Variants in FARP1 observed in about 807,000 individuals in gnomAD.
FARP1 encodes the protein FERM, ARHGEF and pleckstrin domain-containing protein 1.
A neutral mutation model predicts 128.8 loss-of-function variants in FARP1; 52 were observed. The observed-to-expected ratio is 0.40, with a 90% CI of 0.32 to 0.51. FARP1 has a LOEUF of 0.51. FARP1 is among the 20% of genes least tolerant of loss of function. The pLI, the probability that FARP1 is intolerant of heterozygous loss-of-function variation, is 0.45. For missense variants in FARP1, 1,333 were observed against 1,367.9 expected (o/e 0.97, Z 0.40); for synonymous variants, 580 against 551.8 (o/e 1.05, Z -0.72).
rs547828166 is a variant in FARP1 at position 98,420,321 on chromosome 13, A to G, written c.1827-4251A>G. Among the ~76,000 whole-genome samples the G allele has an allele frequency of 1.7e-3, 262 of 152,100 alleles. 1 individual carries two copies. Among genetic ancestry groups the G allele is most frequent in the African/African-American group, 6.1e-3 (253 of 41,498 alleles). ...ACAGGCTGTCCTTCTGCCTCCTCTT[A>G]GGGGGGTGATGGGCAGAATACTCAC... On this transcript the variant is annotated intron_variant, in intron 16 of 26. Transcript: ENST00000319562.
Position 98,431,266 on chromosome 13 carries a change from T to C in FARP1, c.2129T>C (p.Phe710Ser), listed in dbSNP as rs1195882627. ...CACCACCCGCCGAGCCACGCCGACT[T>C]CAGGGACTGCCGAGGTGAGTGCTGG... ...CKHHPPSHAD[F>S]RDCRAALAEI... Residue 710 changes from phenylalanine (F) to serine (S), a missense_variant, in exon 18 of 27, where the codon TTC (phenylalanine) becomes TCC (serine). Transcript: ENST00000319562. 6.3e-7 allele frequency: 1 copy of C among 1,589,542 alleles called. No individual in the cohort carries two copies. Among genetic ancestry groups the C allele is most frequent in the Non-Finnish European group, 8.6e-7 (1 of 1,168,832 alleles).
intron 1 of FARP1, among the ~76,000 whole-genome samples, chr13:98,168,433 C>A (rs900709252): frequency 2.0e-5 from 3 of 152,208 alleles, no homozygotes; most frequent in African/African-American, 7.2e-5. Flanking sequence ...TTAGTCTCTT[C>A]AGATTAATCA....
intron 2 of FARP1, among the ~76,000 whole-genome samples, chr13:98,296,335 A>C: frequency 6.6e-6 from 1 of 151,380 alleles, no homozygotes; most frequent in Non-Finnish European, 1.5e-5. Flanking sequence ...ACATGCGCAC[A>C]CTCTCCTTTC....
intron 3 of FARP1, among the ~76,000 whole-genome samples, chr13:98,353,913 T>C (rs1479197357): frequency 1.3e-5 from 2 of 152,216 alleles, no homozygotes; most frequent in Admixed American, 1.3e-4. Context: ...TGTGAAATCT[T>C]TTGAAATGAG....
intron 2 of FARP1, among the ~76,000 whole-genome samples, chr13:98,312,274 G>A (rs1397666590): frequency 1.3e-5 from 2 of 151,172 alleles, no homozygotes; most frequent in Non-Finnish European, 1.5e-5. Flanking sequence ...CCTAGTAGCT[G>A]GGACTACAGG....
At chr13:98,304,507 TA>T (rs1886054945) in intron 2 of FARP1, among the ~76,000 whole-genome samples, 1 of 152,164 alleles carries the variant, frequency 6.6e-6, no homozygotes, top group Non-Finnish European at 1.5e-5. Flanking sequence ...TGCTTTGAGA[TA>T]ACTCTAGGCT....
At chr13:98,416,207 A>C (rs1221108188) in intron 16 of FARP1, among the ~76,000 whole-genome samples, 1 of 152,228 alleles carries the variant, frequency 6.6e-6, no homozygotes, top group Non-Finnish European at 1.5e-5. Context: ...ACATTAACTA[A>C]AGTCCAGATT....
intron 2 of FARP1, chr13:98,329,860 G>C (rs1887414583): frequency 6.6e-6 from 1 of 152,136 alleles, no homozygotes; most frequent in Non-Finnish European, 1.5e-5. Flanking sequence ...TATCCTGAGG[G>C]AGTGTGCCTT....
At chr13:98,443,503 C>T (rs1382948569) in intron 24 of FARP1, among the ~76,000 whole-genome samples, 1 of 152,246 alleles carries the variant, frequency 6.6e-6, no homozygotes, top group Non-Finnish European at 1.5e-5. Context: ...AAAGCAGCTC[C>T]ATCTCCTCCT....
chr13:98,149,425 CA>C (rs1875813320), intron 1 of FARP1, among the ~76,000 whole-genome samples: 1 of 152,176 alleles, frequency 6.6e-6, no homozygotes, highest in African/African-American at 2.4e-5. Context: ...CATTTGTGAA[CA>C]AATCTTTGTG....
At chr13:98,409,571 T>C (rs1891113737) in intron 14 of FARP1, 46 bp downstream of exon 14, 2 of 1,475,150 alleles carry the variant, frequency 1.4e-6, no homozygotes, top group East Asian at 4.9e-5. Context: ...TGTGTGCACG[T>C]GTGTTTGTGT....
chr13:98,175,869 G>C, intron 1 of FARP1: 1 of 410,718 alleles, frequency 2.4e-6, no homozygotes, highest in Admixed American at 4.1e-5. Context: ...AAAAGGATCA[G>C]TTTAAATCTT....
intron 1 of FARP1, among the ~76,000 whole-genome samples, chr13:98,200,387 A>AC (rs34861204): frequency 0.19 from 24,397 of 125,212 alleles, 3,045 homozygotes; most frequent in Middle Eastern, 0.27. Flanking sequence ...TGCAACCTTC[A>AC]CCCCCCCCCC....
chr13:98,356,468 G>A (rs1052401780), intron 3 of FARP1, among the ~76,000 whole-genome samples: 1 of 152,138 alleles, frequency 6.6e-6, no homozygotes, highest in Non-Finnish European at 1.5e-5. Context: ...TGACTGAAAT[G>A]TCACTATGCG....
chr13:98,177,266 G>A, intron 1 of FARP1: 1 of 1,513,382 alleles, frequency 6.6e-7, no homozygotes, highest in Non-Finnish European at 8.9e-7. Context: ...AACGGCCGTG[G>A]CGTGCGTCAC....
In FARP1 at chr13:98,196,146, T is replaced by C. The variant is rs149129228; in HGVS notation, c.-23-17074T>C. 3.3e-5 allele frequency among the ~76,000 whole-genome samples: 5 copies of C among 152,302 alleles called. No individual in the cohort carries two copies. In the East Asian group the frequency reaches 7.7e-4, roughly 24 times the overall value. ...CTTAGTGATTTGCCCAGCAGCTTGA[T>C]TGGCACTTTTGTGCTCAAACAGGTG... On this transcript the variant is annotated intron_variant, in intron 1 of 26. Transcript: ENST00000319562.
Position 98,448,410 on chromosome 13 carries a change from C to A in FARP1, c.*93C>A. The A allele has an allele frequency of 9.6e-7, 1 of 1,043,438 alleles. No individual in the cohort carries two copies. The highest frequency in any genetic ancestry group is 1.3e-5 in the South Asian group (1 of 75,566). The allele number at this position is 1,043,438 out of a possible 1,614,324, so 64.6% of individuals were successfully genotyped here. A position where few individuals can be genotyped will look rare whatever the true frequency, so the allele number is the denominator to read the frequency against. On this transcript the variant is annotated 3_prime_UTR_variant, in exon 27 of 27. Transcript: ENST00000319562. ...GAAGCCTGGTAAAATTAACACCTGTCTGAAAATCAAAAACATGGCTTCCCA... is the reference window on the plus strand; with the variant it reads ...GAAGCCTGGTAAAATTAACACCTGTATGAAAATCAAAAACATGGCTTCCCA...
chr13:98,316,642 C>T (rs571103204), intron 2 of FARP1, among the ~76,000 whole-genome samples: 2 of 152,168 alleles, frequency 1.3e-5, no homozygotes, highest in Non-Finnish European at 2.9e-5. Context: ...CGTTGTAACA[C>T]AGCTAAAGTT....
At chr13:98,424,429 A>C in intron 16 of FARP1, 143 bp from the exon 17 acceptor site, 1 of 642,674 alleles carries the variant, frequency 1.6e-6, no homozygotes, top group Non-Finnish European at 2.9e-6. Flanking sequence ...TTCCAACGAT[A>C]ACATTCCATG....
Sources: gnomAD v4.1 joint callset for allele counts (sites outside exome capture counted in the v4.1 genomes callset) on GRCh38, gnomAD v4.1.1 for gene constraint, MANE v1.5 for transcripts, NCBI Gene and HGNC (gene_info 2026-07-23, HGNC 2026-07-21) for gene names.